SORCS2: variants seen among roughly 807,000 people sequenced by gnomAD.
The protein encoded by SORCS2 is VPS10 domain-containing receptor SorCS2.
A neutral mutation model predicts 141.6 loss-of-function variants in SORCS2; 100 were observed. That is an observed-to-expected ratio of 0.71 (90% CI 0.60 to 0.83). SORCS2 has a LOEUF of 0.83. Ranked by LOEUF, SORCS2 falls within the 40% of genes least tolerant of loss-of-function variation. SORCS2 has a pLI of 0.00. For synonymous variants in SORCS2, 789 were observed against 676.9 expected, an observed-to-expected ratio of 1.17 and a Z score of -2.57; for missense variants, 1,646 against 1,560.2, an observed-to-expected ratio of 1.05 and a Z score of -0.93.
chr4:7,414,902 C>T (rs1224246844), intron 2 of SORCS2, among the ~76,000 whole-genome samples: 2 of 152,080 alleles, frequency 1.3e-5, no homozygotes, highest in African/African-American at 2.4e-5. Flanking sequence ...GATCTGTTTA[C>T]CCAGGCCAAC....
At chr4:7,288,754 T>G (rs1387701396) in intron 1 of SORCS2, among the ~76,000 whole-genome samples, 1 of 117,058 alleles carries the variant, frequency 8.5e-6, no homozygotes, top group African/African-American at 3.4e-5. Context: ...ACAGTCACAT[T>G]GGCAGCGAGG....
chr4:7,309,217 G>C (rs922854948), intron 1 of SORCS2, among the ~76,000 whole-genome samples: 12 of 152,212 alleles, frequency 7.9e-5, no homozygotes, highest in Non-Finnish European at 1.6e-4. Context: ...AAGTGTGGAA[G>C]CTCCAGAGAG....
rs886765362 is a variant in SORCS2 at position 7,286,746 on chromosome 4, G to A, written c.480+93620G>A. Among the ~76,000 whole-genome samples the A allele has an allele frequency of 6.6e-6, 1 of 152,158 alleles. No individual in the cohort carries two copies. The highest frequency in any genetic ancestry group is 2.4e-5 in the African/African-American group (1 of 41,432). ...TGCCTCAGAGGTTGCACATGTTCAC[G>A]GGCCTCGGTTAACCAGAGCAGATGA... On this transcript the variant is annotated intron_variant, in intron 1 of 26. Transcript: ENST00000507866. This position sits in a 1 kb window ranked among gnomAD's most constrained non-coding sequence, Gnocchi z 4.1.
chr4:7,262,308 A>ACCC (rs1714394316), intron 1 of SORCS2, among the ~76,000 whole-genome samples: 1 of 150,356 alleles, frequency 6.7e-6, no homozygotes, highest in African/African-American at 2.5e-5. Flanking sequence ...CCATCCATCC[A>ACCC]ACCACCTATC....
At position 7,699,563 on chromosome 4, in the gene SORCS2, C is replaced by T. The variant is rs377615928; in HGVS notation, c.1668+2289C>T. On this transcript the variant is annotated intron_variant, in intron 12 of 26. Transcript: ENST00000507866. ...CACTCTCCTCTCACTGCACCACACC[C>T]TGCTGTTCAGCAGCCCCATCTCTCT... Among the ~76,000 whole-genome samples the T allele has an allele frequency of 6.2e-4, 94 of 152,270 alleles. 1 individual carries two copies. In the South Asian group the frequency reaches 0.018, roughly 29 times the overall value.
chr4:7,668,163 G>T (rs1188780189), intron 8 of SORCS2, among the ~76,000 whole-genome samples: 1 of 152,232 alleles, frequency 6.6e-6, no homozygotes, highest in Non-Finnish European at 1.5e-5. Flanking sequence ...TACAGACGGG[G>T]AACAGGCAGG....
At chr4:7,223,612 G>A (rs16839855) in intron 1 of SORCS2, among the ~76,000 whole-genome samples, 1 of 152,088 alleles carries the variant, frequency 6.6e-6, no homozygotes, top group African/African-American at 2.4e-5. Flanking sequence ...AATGGGGCGT[G>A]TACTCAGTGC....
intron 7 of SORCS2, among the ~76,000 whole-genome samples, chr4:7,665,719 C>T (rs1722462768): frequency 6.6e-6 from 1 of 152,206 alleles, no homozygotes; most frequent in Non-Finnish European, 1.5e-5. Flanking sequence ...GAACCCCCCA[C>T]CTGCTTTCCC....
chr4:7,217,205 G>A (rs757035528), intron 1 of SORCS2, among the ~76,000 whole-genome samples: 5 of 152,072 alleles, frequency 3.3e-5, no homozygotes, highest in South Asian at 4.2e-4. Flanking sequence ...TCCTCCGCCC[G>A]GCCTGGAACC....
intron 1 of SORCS2, among the ~76,000 whole-genome samples, chr4:7,212,882 G>T (rs1157915386): frequency 6.6e-6 from 1 of 152,194 alleles, no homozygotes; most frequent in Non-Finnish European, 1.5e-5. Flanking sequence ...AGTTGGAGGA[G>T]GGCTTAGCAG....
chr4:7,570,153 T>C (rs1309053374), intron 3 of SORCS2, among the ~76,000 whole-genome samples: 1 of 152,194 alleles, frequency 6.6e-6, no homozygotes, highest in Non-Finnish European at 1.5e-5. Context: ...AGATTCATTA[T>C]TTTGGATTTC....
At chr4:7,601,670 T>C (rs1717686901) in intron 3 of SORCS2, among the ~76,000 whole-genome samples, 1 of 125,070 alleles carries the variant, frequency 8.0e-6, no homozygotes, top group South Asian at 3.1e-4. Flanking sequence ...TTTGTTTGTT[T>C]GTTTGTTTTT....
intron 1 of SORCS2, among the ~76,000 whole-genome samples, chr4:7,347,798 C>A (rs1234672066): frequency 3.3e-5 from 5 of 152,212 alleles, no homozygotes; most frequent in African/African-American, 9.6e-5. Context: ...TTGATAACAT[C>A]TTTAATGTCA....
intron 2 of SORCS2, among the ~76,000 whole-genome samples, chr4:7,496,697 C>T (rs1180748679): frequency 2.6e-5 from 4 of 152,030 alleles, no homozygotes; most frequent in African/African-American, 9.7e-5. Flanking sequence ...TCATGGGCCA[C>T]ATCTGAAAAG....
chr4:7,697,279 G>C lies in SORCS2; in HGVS notation c.1668+5G>C. 1 of 1,581,278 alleles carries C rather than the reference G, an allele frequency of 6.3e-7. No individual in the cohort carries two copies. On this transcript the variant is annotated splice_donor_5th_base_variant and intron_variant, in intron 12 of 26. Transcript: ENST00000507866. ...TGTGGTCACACCTGGCGGCAGGTAA[G>C]CTGGCTGGGAGGTGCCTGGTACCCC...
chr4:7,691,443 G>T (rs1358460156), intron 11 of SORCS2, among the ~76,000 whole-genome samples: 1 of 152,176 alleles, frequency 6.6e-6, no homozygotes, highest in Non-Finnish European at 1.5e-5. Context: ...TACGTGCAGG[G>T]CTGGGTCTGA....
chr4:7,381,273 G>T (rs369745072), intron 1 of SORCS2, among the ~76,000 whole-genome samples: 73 of 152,136 alleles, frequency 4.8e-4, no homozygotes, highest in Non-Finnish European at 8.8e-4. Flanking sequence ...GCTTTGACTC[G>T]CAGGTCCAGC....
chr4:7,433,999 C>A, intron 2 of SORCS2: 24 of 1,613,208 alleles, frequency 1.5e-5, no homozygotes, highest in Non-Finnish European at 2.0e-5. Flanking sequence ...GCACACCTCA[C>A]AGGTCACACC....
chr4:7,673,724 T>C (rs774241159), intron 8 of SORCS2, among the ~76,000 whole-genome samples: 12 of 152,216 alleles, frequency 7.9e-5, no homozygotes, highest in Non-Finnish European at 1.3e-4. Context: ...ACCCAGGTTA[T>C]GTAAACATTT....
Sources: gnomAD v4.1 joint callset for allele counts (sites outside exome capture counted in the v4.1 genomes callset) on GRCh38, gnomAD v4.1.1 for gene constraint, Gnocchi (gnomAD v3.1) non-coding constraint, MANE v1.5 for transcripts, NCBI Gene and HGNC (gene_info 2026-07-23, HGNC 2026-07-21) for gene names.